The following NCOR2 variants were observed in gnomAD, a reference collection of about 807,000 sequenced individuals.
The protein encoded by NCOR2 is nuclear receptor corepressor 2.
NCOR2 carries 81 observed loss-of-function variants against 262.9 expected under a neutral mutation model. The ratio of observed to expected loss-of-function variants is 0.31; its 90% CI spans 0.26 to 0.37. The LOEUF is 0.37. Ranked by LOEUF, NCOR2 falls within the 10% of genes least tolerant of loss-of-function variation. The pLI is 1.00. For synonymous variants in NCOR2, 1,659 were observed against 1,559.3 expected (o/e 1.06, Z -1.51); for missense variants, 3,385 against 3,621.4 (o/e 0.93, Z 1.68).
upstream of NCOR2, among the ~76,000 whole-genome samples, chr12:124,537,690 T>C (rs1160953853): frequency 6.6e-6 from 1 of 152,208 alleles, no homozygotes; most frequent in Non-Finnish European, 1.5e-5. Context: ...TTGCTGGACA[T>C]GACTCCTACC....
chr12:124,470,747 C>T (rs923374374), intron 4 of NCOR2, among the ~76,000 whole-genome samples: 1 of 152,204 alleles, frequency 6.6e-6, no homozygotes, highest in South Asian at 2.1e-4. Flanking sequence ...GACAGCTGCA[C>T]AACACTGCAA....
intron 3 of NCOR2, among the ~76,000 whole-genome samples, chr12:124,480,102 C>T (rs1055725584): frequency 1.2e-4 from 18 of 152,088 alleles, no homozygotes; most frequent in Non-Finnish European, 2.4e-4. Flanking sequence ...TAGGGGTCAA[C>T]CATTCAATCC....
chr12:124,420,189 ACC>A (rs1289630358), intron 12 of NCOR2, 134 bp from the exon 15 acceptor site: 15 of 636,892 alleles, frequency 2.4e-5, no homozygotes, highest in Non-Finnish European at 3.9e-5. Flanking sequence ...AGATGACCTA[ACC>A]TCTGTGTCTC....
chr12:124,372,514 G>T, exon 20 of NCOR2: 1 of 1,592,812 alleles, frequency 6.3e-7, no homozygotes, highest in Non-Finnish European at 8.5e-7. Context: ...GGCGCCCAGG[G>T]TGGCTGGGGG....
In NCOR2 at chr12:124,361,122, CAAAAAAAAA is replaced by C. The variant is rs33951841; in HGVS notation, c.3100+995_3100+1003del. Among the ~76,000 whole-genome samples, 6 of 122,512 alleles carry C rather than the reference CAAAAAAAAA, an allele frequency of 4.9e-5. No homozygotes were observed. In the East Asian group the frequency reaches 9.1e-4, roughly 19 times the overall value. The allele number at this position is 122,512 out of a possible 152,430, so 80.4% of individuals were successfully genotyped here. The stretch of plus-strand genomic sequence containing the variant: ...GGCGAGAGTGACACTCCGTCTCAAA[CAAAAAAAAA>C]AAAAAAAAAAAGAGAAGGGGGATGT... On this transcript the variant is annotated intron_variant, in intron 22 of 46. Coordinates refer to ENST00000405201, the Ensembl canonical transcript of NCOR2.
chr12:124,375,723 AG>A (rs1254897777), intron 18 of NCOR2, among the ~76,000 whole-genome samples: 1 of 152,240 alleles, frequency 6.6e-6, no homozygotes, highest in Non-Finnish European at 1.5e-5. Context: ...GCTATGCCTC[AG>A]TCTCCCCATC....
At chr12:124,458,559 G>A (rs1456422219) in intron 5 of NCOR2, among the ~76,000 whole-genome samples, 1 of 152,202 alleles carries the variant, frequency 6.6e-6, no homozygotes, top group Non-Finnish European at 1.5e-5. Flanking sequence ...TACAGCGATG[G>A]TCACTTCTCC....
At chr12:124,376,151 C>CA in intron 18 of NCOR2, among the ~76,000 whole-genome samples, 1 of 152,332 alleles carries the variant, frequency 6.6e-6, no homozygotes, top group Non-Finnish European at 1.5e-5. Context: ...CAGGGCCTCT[C>CA]ACCTGCCGTC....
intron 13 of NCOR2, among the ~76,000 whole-genome samples, chr12:124,410,543 G>A (rs573277946): frequency 1.4e-4 from 21 of 152,146 alleles, no homozygotes; most frequent in African/African-American, 4.1e-4. Flanking sequence ...CACCTCCTCT[G>A]GCAGGCCTGG....
At chr12:124,462,384 G>A (rs907807249) in intron 5 of NCOR2, among the ~76,000 whole-genome samples, 2 of 152,172 alleles carry the variant, frequency 1.3e-5, no homozygotes, top group African/African-American at 2.4e-5. Context: ...AAGCCCCTCC[G>A]CTGGCTGCAG....
chr12:124,386,864 A>G (rs1207943511), intron 16 of NCOR2, among the ~76,000 whole-genome samples: 1 of 152,234 alleles, frequency 6.6e-6, no homozygotes, highest in African/African-American at 2.4e-5. Flanking sequence ...CTGTGTCTCC[A>G]GCGGCGTGAC....
Position 124,437,982 on chromosome 12 carries a change from C to T in NCOR2, c.830G>A (p.Arg277Gln), listed in dbSNP as rs959185861. 7 of 1,611,316 alleles carry T rather than the reference C, an allele frequency of 4.3e-6. No homozygotes were observed. The Admixed American group carries it at 6.7e-5, about 15-fold the overall frequency. ...CTTGAAGTACAAGATTAGCTTCTTCCGCATCGCCTGGTTTCTGTGCAGGAG... is the reference window on the plus strand; with the variant it reads ...CTTGAAGTACAAGATTAGCTTCTTCTGCATCGCCTGGTTTCTGTGCAGGAG... The change falls in exon 8 of 47, where the codon CGG (arginine) becomes CAG (glutamine). Residue 277 changes from arginine to glutamine, a missense_variant. Physicochemically the swap from Arg to Gln is conservative, Grantham distance 43. Around this residue, in one of 5 missense-constraint regions of NCOR2, gnomAD observed 515 missense variants for 781.2 expected, o/e 0.66. Transcript: ENST00000405201.
intron 1 of NCOR2, 48 bp downstream of exon 1, chr12:124,567,260 C>T (rs1318288856): frequency 6.6e-6 from 1 of 152,016 alleles, no homozygotes; most frequent in Non-Finnish European, 1.5e-5. Context: ...CGGAAGCGCG[C>T]TCCGCGCCTC....
In NCOR2 at chr12:124,365,378, A is replaced by G. The variant is rs2135984549; in HGVS notation, c.2808-1579T>C. On this transcript the variant is annotated intron_variant, in intron 20 of 46. Coordinates refer to ENST00000405201, the Ensembl canonical transcript of NCOR2. Reference sequence around the variant, plus strand: ...ACAGGGACACAACTCACACCACCCCAGTCCCCAGCTGCCAGTGCTGGATGC... The same window carrying G: ...ACAGGGACACAACTCACACCACCCCGGTCCCCAGCTGCCAGTGCTGGATGC... Among the ~76,000 whole-genome samples, 2 of 152,344 alleles carry G rather than the reference A, an allele frequency of 1.3e-5. 1 individual carries two copies. Among genetic ancestry groups the G allele is most frequent in the South Asian group, 4.1e-4 (2 of 4,832 alleles).
At chr12:124,448,804 T>C (rs2045347884) in intron 7 of NCOR2, among the ~76,000 whole-genome samples, 1 of 152,182 alleles carries the variant, frequency 6.6e-6, no homozygotes, top group Non-Finnish European at 1.5e-5. Context: ...CCACCGCATA[T>C]ACACTCTGTA....
intron 16 of NCOR2, among the ~76,000 whole-genome samples, chr12:124,386,785 G>A (rs555050405): frequency 2.6e-4 from 40 of 152,362 alleles, no homozygotes; most frequent in African/African-American, 7.9e-4. Flanking sequence ...CCAAGCCCCC[G>A]GTCTCGGCCT....
chr12:124,354,640 T>C, intron 25 of NCOR2, 58 bp from the exon 28 acceptor site: 1 of 1,434,816 alleles, frequency 7.0e-7, no homozygotes, highest in Non-Finnish European at 9.2e-7. Flanking sequence ...CCGGGAGGCT[T>C]GTCCCCACCC....
At position 124,335,115 on chromosome 12, in the gene NCOR2, A is replaced by G. The variant is rs1191350630; in HGVS notation, c.6411+20T>C. On this transcript the variant is annotated intron_variant, in intron 40 of 46. Coordinates refer to ENST00000405201, the Ensembl canonical transcript of NCOR2. ...CCCAGGTGCAAAGGTGACAAGCAGC[A>G]GCAGAGAACGCGTAGTTACACTGAT... 9 of 1,612,388 alleles carry G rather than the reference A, an allele frequency of 5.6e-6. No individual in the cohort carries two copies. The highest frequency in any genetic ancestry group is 2.2e-5 in the East Asian group (1 of 44,868).
Position 124,326,093 on chromosome 12 carries a change from T to G in NCOR2, c.7363+98A>C. On this transcript the variant is annotated intron_variant, in intron 46 of 46. Coordinates refer to ENST00000405201, the Ensembl canonical transcript of NCOR2. ...ACAGAACAGGCCCGAGTCTGAGCTC[T>G]GCATGCAGCAGGCGCTCAGCATTCA... The G allele has an allele frequency of 5.4e-6, 7 of 1,292,720 alleles. No homozygotes were observed. In the South Asian group the frequency reaches 9.8e-5, roughly 18 times the overall value. The allele number at this position is 1,292,720 out of a possible 1,614,324, so 80.1% of individuals were successfully genotyped here.
Sources: gnomAD v4.1 joint callset for allele counts (sites outside exome capture counted in the v4.1 genomes callset) on GRCh38, gnomAD v4.1.1 for gene constraint, gnomAD v4.1.1 regional missense constraint, MANE v1.5 for transcripts, NCBI Gene and HGNC (gene_info 2026-07-23, HGNC 2026-07-21) for gene names.